Variants in GASK1A observed in about 807,000 individuals in gnomAD.
The protein encoded by GASK1A is golgi associated kinase 1A, also known as Golgi-associated kinase 1A.
GASK1A carries 40 observed loss-of-function variants against 41.2 expected under a neutral mutation model. That is an observed-to-expected ratio of 0.97 (90% CI 0.75 to 1.27). The LOEUF is 1.27. GASK1A is among the 50% of genes most tolerant of loss of function. The pLI, the probability that GASK1A is intolerant of heterozygous loss-of-function variation, is 0.00. For synonymous variants in GASK1A, 316 were observed against 307.1 expected (o/e 1.03, Z -0.30); for missense variants, 678 against 745.1 (o/e 0.91, Z 1.05).
chr3:43,044,427 C>T (rs2089652339), intron 2 of GASK1A, among the ~76,000 whole-genome samples: 2 of 152,172 alleles, frequency 1.3e-5, no homozygotes, highest in Admixed American at 6.5e-5. Flanking sequence ...AACCACTGGC[C>T]TGTCCCCTCC....
Position 43,055,474 on chromosome 3 carries a change from G to C in GASK1A, c.1456G>C (p.Ala486Pro). The change falls in exon 4 of 5, where the codon GCT becomes CCT. Residue 486 changes from alanine to proline, a missense_variant. Coordinates refer to ENST00000430121, the MANE Select transcript of GASK1A (RefSeq NM_001129908.3). ...DPSHLVYIDN[A>P]GNLQHPEDKL... ...ATCTCACCTGGTCTACATCGATAAC[G>C]CTGGCAACCTTCAGCACCCTGAGGA... 6.4e-7 allele frequency: 1 copy of C among 1,551,808 alleles called. No homozygotes were observed. The highest frequency in any genetic ancestry group is 8.7e-7 in the Non-Finnish European group (1 of 1,147,006).
chr3:43,037,160 T>G (rs565844748), intron 2 of GASK1A: 1 of 1,077,624 alleles, frequency 9.3e-7, no homozygotes, highest in East Asian at 2.4e-5. Context: ...CTTATGCTGC[T>G]TCAGTGGAAG....
At chr3:42,994,038 A>G (rs547752632) in intron 1 of GASK1A, among the ~76,000 whole-genome samples, 1 of 152,364 alleles carries the variant, frequency 6.6e-6, no homozygotes, top group South Asian at 2.1e-4. Flanking sequence ...ATAAATATGA[A>G]GGACTCCCAG....
At chr3:43,014,933 T>C (rs1412408340) in intron 1 of GASK1A, among the ~76,000 whole-genome samples, 1 of 147,604 alleles carries the variant, frequency 6.8e-6, no homozygotes, top group Non-Finnish European at 1.5e-5. Context: ...AGTGTGAAGC[T>C]ACTGGAAGGG....
rs1479621305 is a variant in GASK1A at position 42,979,390 on chromosome 3, T to A, written c.-253T>A. 2.5e-6 allele frequency: 1 copy of A among 394,878 alleles called. No individual in the cohort carries two copies. Among genetic ancestry groups the A allele is most frequent in the Non-Finnish European group, 4.4e-6 (1 of 225,932 alleles). The allele number at this position is 394,878 out of a possible 1,614,324, so 24.5% of individuals were successfully genotyped here. On this transcript the variant is annotated 5_prime_UTR_variant, in exon 1 of 5. Transcript: ENST00000430121. ...GTAGGCTCCCTCAGATCCCCGTAGATCTCAGTAGATCCGGCGTGTATTCCC... is the reference window on the plus strand; with the variant it reads ...GTAGGCTCCCTCAGATCCCCGTAGAACTCAGTAGATCCGGCGTGTATTCCC...
chr3:43,014,090 AG>A (rs1263622594), intron 1 of GASK1A, among the ~76,000 whole-genome samples: 4 of 152,132 alleles, frequency 2.6e-5, no homozygotes, highest in African/African-American at 9.6e-5. Flanking sequence ...AGCCACAGGA[AG>A]GGGCAGTAGG....
chr3:43,003,732 G>A (rs1330597919), intron 1 of GASK1A, among the ~76,000 whole-genome samples: 1 of 152,050 alleles, frequency 6.6e-6, no homozygotes, highest in African/African-American at 2.4e-5. Flanking sequence ...ATTCTTTTAT[G>A]ATTTTAAATT....
chr3:43,022,433 G>C (rs1028026457), intron 1 of GASK1A, among the ~76,000 whole-genome samples: 2 of 151,430 alleles, frequency 1.3e-5, no homozygotes, highest in African/African-American at 4.9e-5. Context: ...TTTTACCCTG[G>C]TGGTATCCAA....
At chr3:43,007,128 C>T (rs2089440585) in intron 1 of GASK1A, among the ~76,000 whole-genome samples, 1 of 152,114 alleles carries the variant, frequency 6.6e-6, no homozygotes. Context: ...GTCTCCATGA[C>T]CATGGAAACA....
intron 2 of GASK1A, among the ~76,000 whole-genome samples, chr3:43,043,611 T>C (rs1369508018): frequency 6.6e-6 from 1 of 152,200 alleles, no homozygotes; most frequent in African/African-American, 2.4e-5. Flanking sequence ...AATAACAGTA[T>C]CTATCTCTTG....
intron 1 of GASK1A, among the ~76,000 whole-genome samples, chr3:43,018,668 A>G (rs954055681): frequency 1.3e-5 from 2 of 152,194 alleles, no homozygotes; most frequent in Non-Finnish European, 2.9e-5. Context: ...AGCTGTTTTC[A>G]TTTTGAATGA....
Position 43,032,505 on chromosome 3 carries a change from G to A in GASK1A, c.242G>A (p.Arg81His), listed in dbSNP as rs558158526. ...AGAAACATGGGCTTCTGGAGAAGCCGTGCTTTGCCCAGGAACTCCATCTTG... is the reference window on the plus strand; with the variant it reads ...AGAAACATGGGCTTCTGGAGAAGCCATGCTTTGCCCAGGAACTCCATCTTG... ...RARNMGFWRS[R>H]ALPRNSILVC... Residue 81 changes from arginine to histidine, a missense_variant, in exon 2 of 5, where the codon CGT (arginine) becomes CAT (histidine). Physicochemically the swap from Arg to His is conservative, Grantham distance 29. Transcript: ENST00000430121. The A allele has an allele frequency of 1.5e-5, 24 of 1,549,942 alleles. No individual in the cohort carries two copies. Among genetic ancestry groups the A allele is most frequent in the African/African-American group, 8.2e-5 (6 of 73,136 alleles).
At chr3:43,022,003 C>T (rs2089524851) in intron 1 of GASK1A, among the ~76,000 whole-genome samples, 1 of 152,128 alleles carries the variant, frequency 6.6e-6, no homozygotes, top group South Asian at 2.1e-4. Flanking sequence ...TCCCTCCTGC[C>T]ATGAACATTG....
chr3:43,047,216 C>A (rs895916157), intron 2 of GASK1A, among the ~76,000 whole-genome samples: 1 of 152,206 alleles, frequency 6.6e-6, no homozygotes, highest in Admixed American at 6.5e-5. Flanking sequence ...CAATGCTAGC[C>A]GGTGAGAGCA....
At chr3:42,983,508 T>G (rs1254653270) in intron 1 of GASK1A, among the ~76,000 whole-genome samples, 1 of 152,134 alleles carries the variant, frequency 6.6e-6, no homozygotes, top group Non-Finnish European at 1.5e-5. Flanking sequence ...AAACCCAGCC[T>G]GCAGATGTTC....
rs1204030417 is a variant in GASK1A at position 43,053,515 on chromosome 3, C to T, written c.1291-6C>T. On this transcript the variant is annotated splice_region_variant and splice_polypyrimidine_tract_variant and intron_variant, in intron 2 of 4. Transcript: ENST00000430121. Reference sequence around the variant, plus strand: ...GCACCCCACCGAAGGCTGGGTGTCTCCACAGGTCCACGACCGCTTGGATCG... The same window carrying T: ...GCACCCCACCGAAGGCTGGGTGTCTTCACAGGTCCACGACCGCTTGGATCG... The T allele has an allele frequency of 3.2e-6, 5 of 1,539,006 alleles. No individual in the cohort carries two copies. Among genetic ancestry groups the T allele is most frequent in the African/African-American group, 1.4e-5 (1 of 72,882 alleles).
At chr3:43,006,968 G>A (rs781386796) in intron 1 of GASK1A, among the ~76,000 whole-genome samples, 2 of 151,838 alleles carry the variant, frequency 1.3e-5, no homozygotes, top group East Asian at 1.9e-4. Context: ...CTATACTTCC[G>A]GGTTGTGTAC....
At chr3:43,026,140 G>A (rs1162845909) in intron 1 of GASK1A, among the ~76,000 whole-genome samples, 2 of 152,196 alleles carry the variant, frequency 1.3e-5, no homozygotes, top group African/African-American at 4.8e-5. Context: ...GAAATGGGAT[G>A]GGGGCAAGTT....
intron 2 of GASK1A, among the ~76,000 whole-genome samples, chr3:43,047,011 C>T (rs181231068): frequency 6.6e-6 from 1 of 152,246 alleles, no homozygotes; most frequent in African/African-American, 2.4e-5. Flanking sequence ...CAGAAGTCTG[C>T]TGAAGGGGTG....
Sources: gnomAD v4.1 joint callset for allele counts (sites outside exome capture counted in the v4.1 genomes callset) on GRCh38, gnomAD v4.1.1 for gene constraint, MANE v1.5 for transcripts, NCBI Gene and HGNC (gene_info 2026-07-23, HGNC 2026-07-21) for gene names.